ARRB1: variants seen among roughly 807,000 people sequenced by gnomAD.
ARRB1 encodes arrestin beta 1.
Under a neutral mutation model 56.8 loss-of-function variants are expected in ARRB1, and 21 were observed. That is an observed-to-expected ratio of 0.37 (90% CI 0.26 to 0.53). The LOEUF (loss-of-function observed/expected upper bound fraction) is 0.53. Ranked by LOEUF, ARRB1 falls within the 20% of genes least tolerant of loss-of-function variation. The pLI, the probability that ARRB1 is intolerant of heterozygous loss-of-function variation, is 0.88. For synonymous variants in ARRB1, 210 were observed against 218.6 expected (o/e 0.96, Z 0.35); for missense variants, 424 against 553.7 (o/e 0.77, Z 2.35).
intron 1 of ARRB1, among the ~76,000 whole-genome samples, chr11:75,304,747 G>T (rs995888710): frequency 6.6e-5 from 10 of 151,582 alleles, no homozygotes; most frequent in South Asian, 6.2e-4. Flanking sequence ...AGGATCTCCA[G>T]ACCAAAATGT....
At position 75,327,041 on chromosome 11, in the gene ARRB1, G is replaced by A. The variant is rs964005925; in HGVS notation, c.20+24547C>T. On this transcript the variant is annotated intron_variant, in intron 1 of 15. Coordinates refer to ENST00000420843, the MANE Select transcript of ARRB1 (RefSeq NM_004041.5). The stretch of plus-strand genomic sequence containing the variant: ...TTTTAAGAATAATTTTGTGCTGGGC[G>A]TGGTGGCTCACGCCTGTAATCCCAA... Among the ~76,000 whole-genome samples the A allele has an allele frequency of 4.6e-5, 7 of 151,958 alleles. No individual in the cohort carries two copies. In the South Asian group the frequency reaches 1.2e-3, roughly 27 times the overall value.
intron 1 of ARRB1, among the ~76,000 whole-genome samples, chr11:75,318,986 T>A (rs947560812): frequency 2.6e-5 from 4 of 152,200 alleles, no homozygotes; most frequent in African/African-American, 9.7e-5. Context: ...TTTCCTTGTT[T>A]GATTTTCATA....
At chr11:75,327,113 G>C (rs1204412494) in intron 1 of ARRB1, among the ~76,000 whole-genome samples, 1 of 151,800 alleles carries the variant, frequency 6.6e-6, no homozygotes, top group African/African-American at 2.4e-5. Flanking sequence ...AGGAGATCAA[G>C]ACCACGGTGA....
intron 1 of ARRB1, among the ~76,000 whole-genome samples, chr11:75,349,263 C>T (rs933675372): frequency 6.6e-6 from 1 of 152,194 alleles, no homozygotes; most frequent in Non-Finnish European, 1.5e-5. Context: ...CAGGCAGTGC[C>T]TCTTCCCCTG....
chr11:75,284,257 A>T lies in ARRB1; in HGVS notation c.135T>A (p.Pro45=), dbSNP rs1056855763. The change falls in exon 4 of 16, where the codon CCT becomes CCA. Residue 45 remains proline, a synonymous_variant. Transcript: ENST00000420843. ...TACCTCTCCGCTCTTTGAGATACTC[A>T]GGATCCACCAGGACCACACCATCTG... ...DPVDGVVLVD[P]EYLKERRVYV... is the part of the protein sequence containing the mutation. 6.2e-7 allele frequency: 1 copy of T among 1,609,144 alleles called. No homozygotes were observed. The highest frequency in any genetic ancestry group is 1.7e-5 in the Admixed American group (1 of 59,766).
At chr11:75,287,184 G>C in intron 3 of ARRB1, 131 bp downstream of exon 3, 1 of 890,684 alleles carries the variant, frequency 1.1e-6, no homozygotes, top group Middle Eastern at 3.5e-4. Flanking sequence ...GTAAATGCTT[G>C]CTGCCTGAAG....
intron 1 of ARRB1, among the ~76,000 whole-genome samples, chr11:75,307,438 C>T (rs1198839095): frequency 6.6e-6 from 1 of 152,128 alleles, no homozygotes; most frequent in African/African-American, 2.4e-5. Context: ...GGAGGCCATG[C>T]TTCATTCCTC....
chr11:75,270,661 A>G (rs1565104208), intron 13 of ARRB1, among the ~76,000 whole-genome samples: 1 of 151,564 alleles, frequency 6.6e-6, no homozygotes, highest in Non-Finnish European at 1.5e-5. Flanking sequence ...GGCATAGTAG[A>G]GCACACCTGT....
intron 3 of ARRB1, among the ~76,000 whole-genome samples, 156 bp downstream of exon 3, chr11:75,287,159 G>GAAAGTAGCTGCTCAGTA (rs1946498827): frequency 6.6e-6 from 1 of 152,142 alleles, no homozygotes; most frequent in Non-Finnish European, 1.5e-5. Context: ...ACTTGAGTGG[G>GAAAGTAGCTGCTCAGTA]AAAGTAGCTG....
chr11:75,330,001 TAAA>T (rs759720545), intron 1 of ARRB1, among the ~76,000 whole-genome samples: 1 of 141,452 alleles, frequency 7.1e-6, no homozygotes, highest in African/African-American at 2.6e-5. Context: ...ACCCTGTCTC[TAAA>T]AAAAAAAAAA....
chr11:75,340,851 C>T (rs1475429445), intron 1 of ARRB1, among the ~76,000 whole-genome samples: 4 of 152,164 alleles, frequency 2.6e-5, no homozygotes, highest in Admixed American at 2.6e-4. Context: ...CAATCTCTCC[C>T]CACTTCCTCC....
chr11:75,337,376 C>A (rs536120867), intron 1 of ARRB1, among the ~76,000 whole-genome samples: 3 of 152,174 alleles, frequency 2.0e-5, no homozygotes, highest in African/African-American at 7.2e-5. Flanking sequence ...AAAGGAAAAA[C>A]AGAAAAGGAA....
Position 75,266,122 on chromosome 11 carries a change from G to C in ARRB1, c.*41C>G, listed in dbSNP as rs771450931. ...AAGACGAGTAAGCATCCGAGTGCACGAGAGTGGAGCCGGAGCCACGTGGAG... is the reference window on the plus strand; with the variant it reads ...AAGACGAGTAAGCATCCGAGTGCACCAGAGTGGAGCCGGAGCCACGTGGAG... On this transcript the variant is annotated 3_prime_UTR_variant, in exon 16 of 16. Transcript: ENST00000420843. The C allele has an allele frequency of 2.7e-6, 4 of 1,483,790 alleles. No individual in the cohort carries two copies. The highest frequency in any genetic ancestry group is 2.3e-5 in the South Asian group (2 of 88,392). The allele number at this position is 1,483,790 out of a possible 1,614,324, so 91.9% of individuals were successfully genotyped here.
At chr11:75,333,105 G>A (rs1162116167) in intron 1 of ARRB1, among the ~76,000 whole-genome samples, 2 of 152,166 alleles carry the variant, frequency 1.3e-5, no homozygotes, top group Non-Finnish European at 2.9e-5. Context: ...ACAGGCCACG[G>A]TCACTCATAT....
At chr11:75,268,510 C>CAAAAA (rs61409833) in intron 14 of ARRB1, among the ~76,000 whole-genome samples, 9 of 61,446 alleles carry the variant, frequency 1.5e-4, no homozygotes, top group South Asian at 6.7e-4. Flanking sequence ...GTCTCAAAAC[C>CAAAAA]AAAAAAAAAA....
intron 4 of ARRB1, among the ~76,000 whole-genome samples, chr11:75,283,936 G>A (rs1467430206): frequency 6.6e-6 from 1 of 152,134 alleles, no homozygotes; most frequent in African/African-American, 2.4e-5. Context: ...CATTGATACT[G>A]CCCCGGTATC....
chr11:75,309,466 A>G (rs964012697), intron 1 of ARRB1, among the ~76,000 whole-genome samples: 1 of 152,250 alleles, frequency 6.6e-6, no homozygotes, highest in African/African-American at 2.4e-5. Flanking sequence ...TCACCCTGCA[A>G]CGCAGCCGTC....
chr11:75,338,154 G>A (rs1215389611), intron 1 of ARRB1, among the ~76,000 whole-genome samples: 1 of 152,086 alleles, frequency 6.6e-6, no homozygotes, highest in Non-Finnish European at 1.5e-5. Context: ...GATCCTGAAG[G>A]GCCTCCAGTG....
At chr11:75,339,515 C>A (rs1389738458) in intron 1 of ARRB1, among the ~76,000 whole-genome samples, 1 of 152,210 alleles carries the variant, frequency 6.6e-6, no homozygotes, top group African/African-American at 2.4e-5. Flanking sequence ...GGAAGTCAGT[C>A]CTGGATGAAA....
Sources: gnomAD v4.1 joint callset for allele counts (sites outside exome capture counted in the v4.1 genomes callset) on GRCh38, gnomAD v4.1.1 for gene constraint, MANE v1.5 for transcripts, NCBI Gene and HGNC (gene_info 2026-07-23, HGNC 2026-07-21) for gene names.